Variants in DGCR2 observed in about 807,000 individuals in gnomAD.
The protein encoded by DGCR2 is integral membrane protein DGCR2/IDD.
In DGCR2, 24 loss-of-function variants were observed where a neutral mutation model predicts 51.6. That is an observed-to-expected ratio of 0.47 (90% CI 0.34 to 0.65). The LOEUF is 0.65. Ranked by LOEUF, DGCR2 falls within the 30% of genes least tolerant of loss-of-function variation. DGCR2 has a pLI of 0.01. For missense variants in DGCR2, 765 were observed against 772.1 expected (o/e 0.99, Z 0.11); for synonymous variants, 340 against 315.4 (o/e 1.08, Z -0.82).
chr22:19,092,343 TAA>T (rs11396459), intron 1 of DGCR2, among the ~76,000 whole-genome samples: 1 of 146,604 alleles, frequency 6.8e-6, no homozygotes, highest in Admixed American at 6.8e-5. Context: ...GACTCCATCT[TAA>T]AAAAAAAAAA....
At chr22:19,077,121 T>C (rs750715066) in intron 2 of DGCR2, among the ~76,000 whole-genome samples, 1 of 152,222 alleles carries the variant, frequency 6.6e-6, no homozygotes, top group Non-Finnish European at 1.5e-5. Context: ...GAGTTTCAAA[T>C]GTTTTCCATT....
chr22:19,119,122 G>C (rs2083404268), intron 1 of DGCR2, among the ~76,000 whole-genome samples: 1 of 152,102 alleles, frequency 6.6e-6, no homozygotes, highest in Non-Finnish European at 1.5e-5. Context: ...CCTAACAGGG[G>C]ACAGAGGCAG....
chr22:19,037,275 G>T lies in DGCR2; in HGVS notation c.*1590C>A, dbSNP rs144600597. Reference sequence around the variant, plus strand: ...ATTCAGTAACAAAACTCACAGCTCTGGACAGTTCTGGCACAAAGGTCAAGT... The same window carrying T: ...ATTCAGTAACAAAACTCACAGCTCTTGACAGTTCTGGCACAAAGGTCAAGT... On this transcript the variant is annotated 3_prime_UTR_variant, in exon 10 of 10. Transcript: ENST00000263196. 4.7e-3 allele frequency: 709 copies of T among 152,418 alleles called. 2 individuals carry two copies. The highest frequency in any genetic ancestry group is 6.9e-3 in the Non-Finnish European group (467 of 68,092). The allele number at this position is 152,418 out of a possible 1,614,324, so 9.4% of individuals were successfully genotyped here.
Position 19,038,648 on chromosome 22 carries a change from G to C in DGCR2, c.*217C>G. 1.7e-6 allele frequency: 1 copy of C among 600,330 alleles called. No homozygotes were observed. Among genetic ancestry groups the C allele is most frequent in the South Asian group, 2.1e-5 (1 of 47,502 alleles). 37.2% of individuals were successfully genotyped at this position (600,330 alleles called of 1,614,324 possible). A position where few individuals can be genotyped will look rare whatever the true frequency, so the allele number is the denominator to read the frequency against. On this transcript the variant is annotated 3_prime_UTR_variant, in exon 10 of 10. Coordinates refer to ENST00000263196, the MANE Select transcript of DGCR2 (RefSeq NM_005137.3). ...GGAGAAGACAGTGATCCAAAGCTAT[G>C]CATGTTTCTGAAGCCCTCAAGGAAG...
intron 2 of DGCR2, among the ~76,000 whole-genome samples, chr22:19,080,351 A>G (rs907324866): frequency 2.6e-5 from 4 of 152,256 alleles, no homozygotes; most frequent in Non-Finnish European, 4.4e-5. Context: ...TTAATACTTT[A>G]TCTAACCCAA....
intron 2 of DGCR2, among the ~76,000 whole-genome samples, chr22:19,089,143 C>T (rs772069664): frequency 6.6e-6 from 1 of 152,216 alleles, no homozygotes; most frequent in Non-Finnish European, 1.5e-5. Context: ...GGGCATCTCA[C>T]GGGCCTCCCC....
chr22:19,052,920 G>A (rs1278053411), intron 6 of DGCR2, among the ~76,000 whole-genome samples: 1 of 152,188 alleles, frequency 6.6e-6, no homozygotes, highest in African/African-American at 2.4e-5. Context: ...GATGATACCT[G>A]ACAAAGGCCA....
rs1393635347 is a variant in DGCR2, at chr22:19,089,472, C to A, written c.98G>T (p.Gly33Val). Residue 33 changes from glycine (G) to valine (V), a missense_variant, in exon 2 of 10, where the codon GGG (glycine) becomes GTG (valine). Physicochemically the swap from Gly to Val is moderately radical, Grantham distance 109 (BLOSUM62 -3). Around this residue, in one of 3 missense-constraint regions of DGCR2, gnomAD observed 370 missense variants for 325.5 expected, o/e 1.14. Coordinates refer to ENST00000263196, the MANE Select transcript of DGCR2 (RefSeq NM_005137.3). ...GGTGCCGCTGCGACACGCAAACTGCCCAGGGTTGCACCGCAGCTCTGTGGG... is the reference window on the plus strand; with the variant it reads ...GGTGCCGCTGCGACACGCAAACTGCACAGGGTTGCACCGCAGCTCTGTGGG... ...PLRPELRCNPGQFACRSGTIQ... is the reference protein window; with the variant it reads ...PLRPELRCNPVQFACRSGTIQ... 1 of 1,596,934 alleles carries A rather than the reference C, an allele frequency of 6.3e-7. No individual in the cohort carries two copies. Among genetic ancestry groups the A allele is most frequent in the African/African-American group, 1.3e-5 (1 of 74,394 alleles).
At chr22:19,070,951 G>C (rs1259849170) in intron 2 of DGCR2, among the ~76,000 whole-genome samples, 3 of 152,246 alleles carry the variant, frequency 2.0e-5, no homozygotes. Flanking sequence ...CTGGGGGCCA[G>C]GCTGGGGAAT....
chr22:19,070,551 A>G (rs1166300483), intron 2 of DGCR2, among the ~76,000 whole-genome samples: 1 of 152,228 alleles, frequency 6.6e-6, no homozygotes, highest in African/African-American at 2.4e-5. Context: ...GAAAGAAGAG[A>G]TAACAGAGGG....
chr22:19,043,072 C>A (rs1247984263), intron 7 of DGCR2, among the ~76,000 whole-genome samples: 2 of 152,202 alleles, frequency 1.3e-5, no homozygotes, highest in Non-Finnish European at 2.9e-5. Flanking sequence ...CCCGACTCCA[C>A]CTCTTTGCTG....
At chr22:19,056,828 G>A (rs1172943498) in intron 6 of DGCR2, among the ~76,000 whole-genome samples, 158 bp downstream of exon 6, 1 of 152,098 alleles carries the variant, frequency 6.6e-6, no homozygotes, top group Non-Finnish European at 1.5e-5. Context: ...TGGTCACAGA[G>A]CTGCAAATGG....
At chr22:19,059,081 C>A (rs1199695449) in intron 5 of DGCR2, among the ~76,000 whole-genome samples, 1 of 152,218 alleles carries the variant, frequency 6.6e-6, no homozygotes, top group Admixed American at 6.5e-5. Context: ...ATGAACAAGG[C>A]AGCCTGTGGG....
intron 2 of DGCR2, among the ~76,000 whole-genome samples, chr22:19,083,939 C>A (rs1207209461): frequency 2.6e-5 from 4 of 152,208 alleles, no homozygotes; most frequent in Admixed American, 1.3e-4. Flanking sequence ...CCGGGCTAGT[C>A]TCCAGCTCCT....
intron 1 of DGCR2, among the ~76,000 whole-genome samples, chr22:19,118,190 T>C (rs924410432): frequency 6.6e-6 from 1 of 152,014 alleles, no homozygotes; most frequent in Non-Finnish European, 1.5e-5. Context: ...ATGGCCAACA[T>C]GGTGAAACCC....
intron 1 of DGCR2, among the ~76,000 whole-genome samples, chr22:19,119,553 T>C (rs1052028912): frequency 6.6e-6 from 1 of 151,986 alleles, no homozygotes; most frequent in African/African-American, 2.4e-5. Context: ...CCGGCCAACA[T>C]GGCAAAACCC....
At chr22:19,064,127 A>T (rs556283058) in intron 4 of DGCR2, among the ~76,000 whole-genome samples, 3 of 152,198 alleles carry the variant, frequency 2.0e-5, no homozygotes, top group Admixed American at 2.0e-4. Flanking sequence ...TCCAGCCCCA[A>T]GCCTAGAGAT....
rs186721740 is a variant in DGCR2 at position 19,090,430 on chromosome 22, A to G, written c.80-940T>C. Among the ~76,000 whole-genome samples, 9 of 152,354 alleles carry G rather than the reference A, an allele frequency of 5.9e-5. No homozygotes were observed. In the East Asian group the frequency reaches 1.7e-3, roughly 29 times the overall value. ...GATAAAATCCTAAAAGCAGGCAGAA[A>G]AAGAAGACATGCACAGAAAAACAAA... On this transcript the variant is annotated intron_variant, in intron 1 of 9. Coordinates refer to ENST00000263196, the MANE Select transcript of DGCR2 (RefSeq NM_005137.3).
intron 5 of DGCR2, among the ~76,000 whole-genome samples, chr22:19,062,779 A>ACTCTCTCACTCT (rs2082688925): frequency 7.9e-6 from 1 of 127,354 alleles, no homozygotes; most frequent in Non-Finnish European, 1.8e-5. Context: ...ATGCATGCTC[A>ACTCTCTCACTCT]CTCTCTCTCT....
Sources: gnomAD v4.1 joint callset for allele counts (sites outside exome capture counted in the v4.1 genomes callset) on GRCh38, gnomAD v4.1.1 for gene constraint, gnomAD v4.1.1 regional missense constraint, MANE v1.5 for transcripts, NCBI Gene and HGNC (gene_info 2026-07-23, HGNC 2026-07-21) for gene names.